ADGRG5: variants seen among roughly 807,000 people sequenced by gnomAD.
ADGRG5 encodes the protein G protein-coupled receptor 114.
In ADGRG5, 37 loss-of-function variants were observed where a neutral mutation model predicts 53.2. The ratio of observed to expected loss-of-function variants is 0.70; its 90% CI spans 0.53 to 0.91. The LOEUF is 0.91. ADGRG5 is among the 40% of genes least tolerant of loss of function. The pLI, the probability that ADGRG5 is intolerant of heterozygous loss-of-function variation, is 0.00. For synonymous variants in ADGRG5, 277 were observed against 290.4 expected (o/e 0.95, Z 0.47); for missense variants, 614 against 675.8 (o/e 0.91, Z 1.01).
At chr16:57,571,652 T>C (rs528611572) in intron 10 of ADGRG5, among the ~76,000 whole-genome samples, 33 of 137,872 alleles carry the variant, frequency 2.4e-4, no homozygotes, top group African/African-American at 9.0e-4. Context: ...ATTTTCTTTT[T>C]TTTCTTTTTT....
At chr16:57,541,163 G>A (rs4784823), upstream of ADGRG5, among the ~76,000 whole-genome samples, 80,686 of 151,910 alleles carry the variant, frequency 0.53, 23,065 homozygotes, top group African/African-American at 0.74. Context: ...GCTAAGTAAC[G>A]GGCACTAACT....
intron 1 of ADGRG5, among the ~76,000 whole-genome samples, chr16:57,547,305 T>C (rs574396280): frequency 6.6e-5 from 10 of 152,350 alleles, no homozygotes; most frequent in African/African-American, 2.4e-4. Flanking sequence ...GTGGCCACCC[T>C]TCTAGAGCTC....
At chr16:57,572,617 G>A (rs1388125046) in intron 10 of ADGRG5, among the ~76,000 whole-genome samples, 1 of 152,192 alleles carries the variant, frequency 6.6e-6, no homozygotes, top group Admixed American at 6.5e-5. Context: ...GCTTGAACCC[G>A]GGAGGTGGAG....
intron 1 of ADGRG5, among the ~76,000 whole-genome samples, chr16:57,555,903 TAGTG>T (rs2032871969): frequency 6.6e-6 from 1 of 152,166 alleles, no homozygotes; most frequent in African/African-American, 2.4e-5. Context: ...GTTCTCCTGA[TAGTG>T]AGTGAGTTCT....
chr16:57,569,270 T>TCACCTCCATCATCACCTCCTC (rs1474836145), intron 9 of ADGRG5, among the ~76,000 whole-genome samples: 1 of 136,514 alleles, frequency 7.3e-6, no homozygotes, highest in African/African-American at 2.8e-5. Context: ...TCCACCTCCA[T>TCACCTCCATCATCACCTCCTC]CACCTCCATC....
chr16:57,574,988 G>T lies in ADGRG5; in HGVS notation c.1382G>T (p.Gly461Val). 1.9e-6 allele frequency: 3 copies of T among 1,613,906 alleles called. No individual in the cohort carries two copies. The highest frequency in any genetic ancestry group is 2.5e-6 in the Non-Finnish European group (3 of 1,180,020). Residue 461 changes from glycine to valine, a missense_variant, in exon 11 of 12, where the codon GGC becomes GTC. Physicochemically the swap from Gly to Val is moderately radical, Grantham distance 109 (BLOSUM62 -3). Coordinates refer to ENST00000349457, the MANE Select transcript of ADGRG5 (RefSeq NM_001304376.3). This position sits in a 1 kb window ranked among gnomAD's most constrained non-coding sequence, Gnocchi z 4.4. ...TGCCATGACACTGTCACTGTGCTGG[G>T]CCTCACCGTGCTGCTGGGAACCACC... is the stretch of plus-strand genomic sequence containing the variant. ...RACHDTVTVL[G>V]LTVLLGTTWA...
upstream of ADGRG5, among the ~76,000 whole-genome samples, chr16:57,540,980 G>T (rs374589215): frequency 7.9e-5 from 12 of 152,152 alleles, no homozygotes; most frequent in East Asian, 2.1e-3. Context: ...TAGTAGAGAC[G>T]GGGTTTTGCC....
rs977286573 is a variant in ADGRG5, at chr16:57,551,734, A to G, written c.-39+9033A>G. Among the ~76,000 whole-genome samples, 5 of 152,368 alleles carry G rather than the reference A, an allele frequency of 3.3e-5. No homozygotes were observed. The East Asian group carries it at 7.7e-4, about 23-fold the overall frequency. ...AATGTTGATATTTTGACTTCTTCCC[A>G]TGAATCACAATCACATGTTCTTGCA... On this transcript the variant is annotated intron_variant, in intron 1 of 11. Transcript: ENST00000349457.
In ADGRG5 at chr16:57,565,066, C is replaced by A. The variant is rs78040384; in HGVS notation, c.462C>A (p.Tyr154Ter). The A allele has an allele frequency of 7.4e-6, 12 of 1,613,638 alleles. No homozygotes were observed. Among genetic ancestry groups the A allele is most frequent in the Non-Finnish European group, 9.3e-6 (11 of 1,179,566 alleles). ...DENNSSLLNN[Y>*]VLGAQLSHGH... The stretch of plus-strand genomic sequence containing the variant: ...ACAACTCATCTCTGCTGAATAACTA[C>A]GTCCTGGGGGCCCAGCTGAGTCATG... The change falls in exon 6 of 12, where the codon TAC becomes TAA. Residue 154 changes from tyrosine to a stop codon, truncating the protein, a stop_gained. Coordinates refer to ENST00000349457, the MANE Select transcript of ADGRG5 (RefSeq NM_001304376.3). LOFTEE classifies it high-confidence loss of function.
intron 10 of ADGRG5, among the ~76,000 whole-genome samples, chr16:57,573,515 G>A (rs1434275822): frequency 2.0e-5 from 3 of 151,822 alleles, no homozygotes; most frequent in African/African-American, 7.3e-5. Flanking sequence ...ACACGCTACA[G>A]TGTGGGAGTG....
In ADGRG5 at chr16:57,572,677, C is replaced by T. The variant is rs567040932; in HGVS notation, c.1209-2138C>T. Among the ~76,000 whole-genome samples, 4 of 152,246 alleles carry T rather than the reference C, an allele frequency of 2.6e-5. No individual in the cohort carries two copies. In the South Asian group the frequency reaches 8.3e-4, roughly 32 times the overall value. ...ACTGCACTCCAGCCTGGAGACAGAG[C>T]GAGACTCCGTCTCAAAAAACAAAAC... On this transcript the variant is annotated intron_variant, in intron 10 of 11. Transcript: ENST00000349457.
At chr16:57,529,166 C>A in the ADGRG5 span, 2 of 1,183,880 alleles carry the variant, frequency 1.7e-6, no homozygotes, top group African/African-American at 3.2e-5. The surrounding 1 kb of genome is among the most constrained non-coding windows in gnomAD (Gnocchi z 4.1). Flanking sequence ...GGGGGCTGGG[C>A]CCGTGGCTCA....
At chr16:57,539,699 C>T (rs1317328508), upstream of ADGRG5, among the ~76,000 whole-genome samples, 4 of 151,910 alleles carry the variant, frequency 2.6e-5, no homozygotes, top group East Asian at 7.7e-4. Flanking sequence ...GTAGTCCTAC[C>T]ACTAGGGCTT....
chr16:57,562,548 T>G (rs1458659496), intron 3 of ADGRG5, 89 bp downstream of exon 3: 3 of 850,176 alleles, frequency 3.5e-6, no homozygotes, highest in African/African-American at 1.7e-5. Flanking sequence ...TGTGCATTTC[T>G]TCAGCACTTT....
At chr16:57,543,530 G>A (rs1167708020) in intron 1 of ADGRG5, among the ~76,000 whole-genome samples, 2 of 152,112 alleles carry the variant, frequency 1.3e-5, no homozygotes, top group African/African-American at 4.8e-5. Flanking sequence ...TGATCCACCT[G>A]CCTTGGCCTC....
At chr16:57,530,071 T>C in the ADGRG5 span, among the ~76,000 whole-genome samples, 5 of 152,206 alleles carry the variant, frequency 3.3e-5, no homozygotes, top group Admixed American at 2.0e-4. Context: ...AAGGATTTGC[T>C]GAATGAACGC....
chr16:57,561,010 C>CT (rs1294015997), intron 1 of ADGRG5, among the ~76,000 whole-genome samples: 1 of 152,184 alleles, frequency 6.6e-6, no homozygotes, highest in Non-Finnish European at 1.5e-5. Context: ...AACTCCTGGT[C>CT]TCAAGCGATC....
chr16:57,564,845 C>T (rs529215987), intron 5 of ADGRG5, among the ~76,000 whole-genome samples, 189 bp from the exon 6 acceptor site: 2 of 151,886 alleles, frequency 1.3e-5, no homozygotes, highest in East Asian at 1.9e-4. Flanking sequence ...CAGCTTTCCA[C>T]AGGGCAGAAA....
intron 2 of ADGRG5, 40 bp from the exon 3 acceptor site, chr16:57,562,344 C>T (rs370870633): frequency 1.3e-6 from 2 of 1,542,320 alleles, no homozygotes; most frequent in African/African-American, 1.4e-5. Context: ...GGCCAGAGGG[C>T]AGTTGAGACA....
Sources: gnomAD v4.1 joint callset for allele counts (sites outside exome capture counted in the v4.1 genomes callset) on GRCh38, gnomAD v4.1.1 for gene constraint, Gnocchi (gnomAD v3.1) non-coding constraint, MANE v1.5 for transcripts, NCBI Gene and HGNC (gene_info 2026-07-23, HGNC 2026-07-21) for gene names.